ALKBH3: variants seen among roughly 807,000 people sequenced by gnomAD.
ALKBH3 encodes the protein alpha-ketoglutarate-dependent dioxygenase alkB homolog 3.
ALKBH3 carries 51 observed loss-of-function variants against 43.9 expected under a neutral mutation model. That is an observed-to-expected ratio of 1.16 (90% CI 0.93 to 1.47). The LOEUF (loss-of-function observed/expected upper bound fraction) is 1.47. ALKBH3 is among the 40% of genes most tolerant of loss of function. The probability of loss-of-function intolerance (pLI) is 0.00; values close to 1 mark genes in which losing one functional copy is unlikely to be tolerated. For synonymous variants in ALKBH3, 102 were observed against 115.2 expected (o/e 0.89, Z 0.73); for missense variants, 361 against 351.9 (o/e 1.03, Z -0.21).
chr11:43,883,652 C>T (rs756807358), intron 3 of ALKBH3, among the ~76,000 whole-genome samples: 133 of 152,218 alleles, frequency 8.7e-4, no homozygotes, highest in Non-Finnish European at 1.5e-3. Flanking sequence ...GGTTTCTTGC[C>T]ATAGTAACAA....
chr11:43,897,592 A>G, intron 7 of ALKBH3: 2 of 819,666 alleles, frequency 2.4e-6, no homozygotes, highest in East Asian at 2.4e-5. Flanking sequence ...AATGAATTCA[A>G]GAGTGAAGAT....
At chr11:43,898,109 C>A in intron 7 of ALKBH3, 1 of 1,097,410 alleles carries the variant, frequency 9.1e-7, no homozygotes, top group Non-Finnish European at 1.4e-6. Flanking sequence ...AGCCCCAGTG[C>A]ACCTGAGCCC....
chr11:43,881,767 T>G (rs980990442), intron 1 of ALKBH3, among the ~76,000 whole-genome samples: 1 of 152,196 alleles, frequency 6.6e-6, no homozygotes, highest in Non-Finnish European at 1.5e-5. Flanking sequence ...AGCTTTTACC[T>G]TTGAGAACTT....
chr11:43,882,175 A>G (rs1448025389), intron 1 of ALKBH3, among the ~76,000 whole-genome samples: 1 of 152,182 alleles, frequency 6.6e-6, no homozygotes, highest in African/African-American at 2.4e-5. Context: ...CTTCCAGGGA[A>G]GTTTGATGCA....
intron 8 of ALKBH3, among the ~76,000 whole-genome samples, chr11:43,904,247 T>A (rs1416764632): frequency 6.6e-6 from 1 of 152,158 alleles, no homozygotes; most frequent in African/African-American, 2.4e-5. Flanking sequence ...AAAATACTGA[T>A]CCAATAAGTA....
intron 7 of ALKBH3, chr11:43,899,175 C>T: frequency 1.3e-6 from 1 of 778,292 alleles, no homozygotes; most frequent in Non-Finnish European, 2.3e-6. Flanking sequence ...GGCCCCACCT[C>T]TCCAGGTGGG....
Position 43,886,627 on chromosome 11 carries a change from C to T in ALKBH3, c.240C>T (p.Ile80=). ...TTAGCAGAGAGGGTGTGTATGAAAT[C>T]AGCCTGTCACCCACAGGTGTATCTA... ...RVIDREGVYE[I]SLSPTGVSRV... is the part of the protein sequence containing the mutation. The change falls in exon 5 of 10, where the codon ATC becomes ATT. Residue 80 remains isoleucine (I), a synonymous_variant. Coordinates refer to ENST00000302708, the MANE Select transcript of ALKBH3 (RefSeq NM_139178.4). The T allele has an allele frequency of 6.2e-7, 1 of 1,614,116 alleles. No individual in the cohort carries two copies. Among genetic ancestry groups the T allele is most frequent in the Non-Finnish European group, 8.5e-7 (1 of 1,179,998 alleles).
intron 7 of ALKBH3, chr11:43,897,343 A>G (rs758386445): frequency 1.5e-6 from 1 of 659,366 alleles, no homozygotes; most frequent in Admixed American, 1.8e-5. Flanking sequence ...CTCCTTGAGA[A>G]TATTCAGTTT....
At chr11:43,919,499 A>C in intron 9 of ALKBH3, 1 of 295,150 alleles carries the variant, frequency 3.4e-6, no homozygotes, top group Non-Finnish European at 6.3e-6. Context: ...TGACTATCTT[A>C]TTGGAATACA....
At chr11:43,890,604 G>A (rs1293343699) in intron 6 of ALKBH3, among the ~76,000 whole-genome samples, 2 of 152,256 alleles carry the variant, frequency 1.3e-5, no homozygotes, top group African/African-American at 2.4e-5. Flanking sequence ...GGTGGCTTAC[G>A]CCTGTAATCC....
intron 5 of ALKBH3, among the ~76,000 whole-genome samples, chr11:43,888,014 G>A (rs1321261595): frequency 1.3e-5 from 2 of 151,474 alleles, no homozygotes; most frequent in Non-Finnish European, 2.9e-5. Flanking sequence ...ATTCAGCATG[G>A]TCTCGATCTC....
intron 9 of ALKBH3, 181 bp from the exon 10 acceptor site, chr11:43,919,737 G>T (rs1952011894): frequency 1.7e-6 from 1 of 581,454 alleles, no homozygotes; most frequent in African/African-American, 1.9e-5. Context: ...CAGTGGGGCT[G>T]GGGATGGAAA....
Position 43,892,049 on chromosome 11 carries a change from T to C in ALKBH3, c.379T>C (p.Tyr127His), listed in dbSNP as rs751160980. ...QRTGIREDIT[Y>H]QQPRLTAWYG... ...TGTATTTTCTTTCTTAGATATAACTTATCAGCAACCAAGACTTACAGCATG... is the reference window on the plus strand; with the variant it reads ...TGTATTTTCTTTCTTAGATATAACTCATCAGCAACCAAGACTTACAGCATG... The change falls in exon 7 of 10, where the codon TAT becomes CAT. Residue 127 changes from tyrosine to histidine, a missense_variant. Coordinates refer to ENST00000302708, the MANE Select transcript of ALKBH3 (RefSeq NM_139178.4). 3 of 1,612,530 alleles carry C rather than the reference T, an allele frequency of 1.9e-6. No homozygotes were observed. Among genetic ancestry groups the C allele is most frequent in the Non-Finnish European group, 1.7e-6 (2 of 1,178,588 alleles).
chr11:43,884,975 C>T (rs33911995), intron 4 of ALKBH3, among the ~76,000 whole-genome samples: 27,083 of 151,802 alleles, frequency 0.18, 2,713 homozygotes, highest in South Asian at 0.33. Flanking sequence ...GGGCTGGTTT[C>T]GAATTCCTGG....
At position 43,913,064 on chromosome 11, in the gene ALKBH3, TAGAC is replaced by T. The variant is rs1427248686; in HGVS notation, c.670-5968_670-5965del. On this transcript the variant is annotated intron_variant, in intron 8 of 9. Coordinates refer to ENST00000302708, the MANE Select transcript of ALKBH3 (RefSeq NM_139178.4). ...TTACATATTGATCAATTCTTTATGA[TAGAC>T]AGACATAAATGAGATACAGTAAATA... Among the ~76,000 whole-genome samples, 16 of 147,128 alleles carry T rather than the reference TAGAC, an allele frequency of 1.1e-4. 1 individual carries two copies. The East Asian group carries it at 1.8e-3, about 16-fold the overall frequency.
intron 7 of ALKBH3, chr11:43,897,743 G>A (rs1951829594): frequency 5.0e-6 from 4 of 798,618 alleles, no homozygotes; most frequent in Non-Finnish European, 9.2e-6. Flanking sequence ...TGCACATTGA[G>A]GGTCATAATG....
At chr11:43,901,967 T>C (rs1951866982) in intron 8 of ALKBH3, among the ~76,000 whole-genome samples, 1 of 152,190 alleles carries the variant, frequency 6.6e-6, no homozygotes, top group Admixed American at 6.5e-5. Context: ...ATTTCATTGA[T>C]GATAAACTCC....
rs569839452 is a variant in ALKBH3 at position 43,899,808 on chromosome 11, G to C, written c.460-1708G>C. On this transcript the variant is annotated intron_variant, in intron 7 of 9. Coordinates refer to ENST00000302708, the MANE Select transcript of ALKBH3 (RefSeq NM_139178.4). ...ATGTTGTGCACAAAATCAAACCAGA[G>C]CACAAGGGCTCTCTTGAAATAAAAG... is the stretch of plus-strand genomic sequence containing the variant. 2.4e-4 allele frequency among the ~76,000 whole-genome samples: 36 copies of C among 148,128 alleles called. No individual in the cohort carries two copies. The South Asian group carries it at 7.4e-3, about 30-fold the overall frequency.
chr11:43,887,785 G>GT (rs71449862), intron 5 of ALKBH3, among the ~76,000 whole-genome samples: 27,075 of 149,758 alleles, frequency 0.18, 2,716 homozygotes, highest in South Asian at 0.33. Context: ...TTCTTTTTTT[G>GT]TTTTTTTTTG....
Sources: allele counts gnomAD v4.1 joint callset (sites outside exome capture counted in the v4.1 genomes callset), GRCh38; gene constraint gnomAD v4.1.1; transcripts MANE v1.5; gene names NCBI Gene and HGNC (gene_info 2026-07-23, HGNC 2026-07-21).